SMC1B: variants seen among roughly 807,000 people sequenced by gnomAD.
SMC1B encodes the protein structural maintenance of chromosomes protein 1B.
SMC1B carries 60 observed loss-of-function variants against 157.9 expected under a neutral mutation model. That is an observed-to-expected ratio of 0.38 (90% CI 0.31 to 0.47). The LOEUF is 0.47. Among genes scored for constraint, SMC1B ranks in the 20% least tolerant of loss-of-function variants. SMC1B has a pLI of 0.99. For missense variants in SMC1B, 1,165 were observed against 1,426.2 expected, an observed-to-expected ratio of 0.82 and a Z score of 2.95; for synonymous variants, 445 against 483.0, an observed-to-expected ratio of 0.92 and a Z score of 1.03.
rs1341417525 is a variant in SMC1B, at chr22:45,379,135, C to G, written c.2058+4332G>C. ...TAGCTGGGACTGCAGGTGCGTGCCACCAAGCCCAGCTAATTTTTGTATTTT... is the reference window on the plus strand; with the variant it reads ...TAGCTGGGACTGCAGGTGCGTGCCAGCAAGCCCAGCTAATTTTTGTATTTT... On this transcript the variant is annotated intron_variant, in intron 12 of 24. Transcript: ENST00000357450. Among the ~76,000 whole-genome samples, 6 of 152,270 alleles carry G rather than the reference C, an allele frequency of 3.9e-5. No individual in the cohort carries two copies. The East Asian group carries it at 1.2e-3, about 29-fold the overall frequency.
intron 17 of SMC1B, 39 bp from the exon 18 acceptor site, chr22:45,359,997 T>A (rs1158896984): frequency 6.6e-7 from 1 of 1,524,282 alleles, no homozygotes; most frequent in Non-Finnish European, 9.1e-7. Flanking sequence ...TTTTACTCAT[T>A]ATGTAACACT....
chr22:45,346,631 C>T lies in SMC1B; in HGVS notation c.3496-1062G>A, dbSNP rs76584200. Among the ~76,000 whole-genome samples the T allele has an allele frequency of 9.3e-3, 1,420 of 152,306 alleles. 14 individuals are homozygous for T. Among genetic ancestry groups the T allele is most frequent in the Middle Eastern group, 0.02 (6 of 294 alleles). ...TTTACGTGAGAAAGGAAAGAAACTG[C>T]TCTAAGAGGCTGAATTCATAGAAGG... On this transcript the variant is annotated intron_variant, in intron 23 of 24. Coordinates refer to ENST00000357450, the MANE Select transcript of SMC1B (RefSeq NM_148674.5).
chr22:45,365,047 C>T (rs2086761865), intron 15 of SMC1B, among the ~76,000 whole-genome samples: 1 of 152,012 alleles, frequency 6.6e-6, no homozygotes, highest in South Asian at 2.1e-4. Context: ...CCGTGTTAGC[C>T]AGGATGGTCT....
rs2086833477 is a variant in SMC1B, at chr22:45,371,650, A to G, written c.2197-63T>C. ...TTTTAGCTTTATATAGTGAAGCCAA[A>G]AATGTGATAGGTATCTTTTGGAATA... On this transcript the variant is annotated intron_variant, in intron 13 of 24. Transcript: ENST00000357450. 2.0e-6 allele frequency: 3 copies of G among 1,516,472 alleles called. No individual in the cohort carries two copies. In the East Asian group the frequency reaches 7.2e-5, roughly 37 times the overall value. The allele number at this position is 1,516,472 out of a possible 1,614,324, so 93.9% of individuals were successfully genotyped here. A position where few individuals can be genotyped will look rare whatever the true frequency, so the allele number is the denominator to read the frequency against.
At chr22:45,381,174 T>G (rs1194095107) in intron 12 of SMC1B, among the ~76,000 whole-genome samples, 2 of 152,042 alleles carry the variant, frequency 1.3e-5, no homozygotes, top group African/African-American at 4.8e-5. Context: ...ATACTAAATT[T>G]CCTTAATGCT....
At chr22:45,404,362 A>T (rs1449392350) in intron 4 of SMC1B, among the ~76,000 whole-genome samples, 4 of 152,238 alleles carry the variant, frequency 2.6e-5, no homozygotes, top group African/African-American at 7.2e-5. Context: ...TTTCTTTGCC[A>T]TATCTTGAAA....
intron 10 of SMC1B, among the ~76,000 whole-genome samples, chr22:45,388,579 C>G (rs2087016440): frequency 1.3e-5 from 2 of 152,178 alleles, no homozygotes; most frequent in South Asian, 4.1e-4. Context: ...CTCCTCTGTG[C>G]AGGTCCTATG....
chr22:45,366,769 C>G (rs184443616), intron 15 of SMC1B, among the ~76,000 whole-genome samples: 3 of 152,328 alleles, frequency 2.0e-5, no homozygotes, highest in African/African-American at 4.8e-5. Flanking sequence ...CCGCTGCACT[C>G]AGCCACAGAT....
chr22:45,353,933 G>A, intron 21 of SMC1B, 45 bp downstream of exon 21: 2 of 435,434 alleles, frequency 4.6e-6, no homozygotes, highest in Non-Finnish European at 7.9e-6. Context: ...ACCACCACCG[G>A]TAACACAGAA....
intron 5 of SMC1B, 41 bp downstream of exon 5, chr22:45,402,292 A>T: frequency 7.6e-7 from 1 of 1,314,960 alleles, no homozygotes; most frequent in Non-Finnish European, 1.1e-6. Context: ...CTATCAAGCT[A>T]CATATAACCC....
chr22:45,355,181 C>T (rs891453999), intron 19 of SMC1B, 66 bp from the exon 20 acceptor site: 27 of 1,538,190 alleles, frequency 1.8e-5, no homozygotes, highest in East Asian at 2.3e-5. Context: ...AGGTAGGGTG[C>T]GTGTGTGGGG....
chr22:45,350,251 G>T (rs5765261), intron 22 of SMC1B, among the ~76,000 whole-genome samples: 1 of 145,018 alleles, frequency 6.9e-6, no homozygotes, highest in Non-Finnish European at 1.5e-5. Flanking sequence ...TGTCTCCTGA[G>T]TTCTTTTTTT....
chr22:45,392,867 C>G (rs573125249), intron 9 of SMC1B, among the ~76,000 whole-genome samples: 3 of 151,898 alleles, frequency 2.0e-5, no homozygotes, highest in Non-Finnish European at 4.4e-5. Context: ...TGTGCGGCTA[C>G]TTTTTGCATT....
intron 17 of SMC1B, among the ~76,000 whole-genome samples, chr22:45,360,201 G>A (rs1569413): frequency 0.86 from 130,359 of 152,190 alleles, 55,859 homozygotes; most frequent in Non-Finnish European, 0.87. Context: ...GATTTAATCA[G>A]GGTTACCAAA....
At chr22:45,374,745 A>G (rs551870802) in intron 12 of SMC1B, among the ~76,000 whole-genome samples, 1 of 152,320 alleles carries the variant, frequency 6.6e-6, no homozygotes, top group East Asian at 1.9e-4. Flanking sequence ...TATACACATA[A>G]GCCACTTTCA....
At chr22:45,380,298 G>A (rs781369222) in intron 12 of SMC1B, among the ~76,000 whole-genome samples, 6 of 152,132 alleles carry the variant, frequency 3.9e-5, no homozygotes, top group Non-Finnish European at 8.8e-5. Context: ...ACACCCAGAT[G>A]TGTGTTATTG....
In SMC1B at chr22:45,399,361, G is replaced by C; in HGVS notation, c.855-8C>G. 2 of 1,575,674 alleles carry C rather than the reference G, an allele frequency of 1.3e-6. No individual in the cohort carries two copies. Among genetic ancestry groups the C allele is most frequent in the Non-Finnish European group, 1.7e-6 (2 of 1,167,542 alleles). ...AAAAGGGTTTCAACCGATCTGAAAA[G>C]GGAAAAATGTTTGCTTTAAAGAAAA... On this transcript the variant is annotated splice_region_variant and splice_polypyrimidine_tract_variant and intron_variant, in intron 5 of 24. Coordinates refer to ENST00000357450, the MANE Select transcript of SMC1B (RefSeq NM_148674.5).
chr22:45,406,861 TC>T lies in SMC1B; in HGVS notation c.302del (p.Gly101AspfsTer12). 1 of 1,561,490 alleles carries T rather than the reference TC, an allele frequency of 6.4e-7. No individual in the cohort carries two copies. Among genetic ancestry groups the T allele is most frequent in the South Asian group, 1.2e-5 (1 of 80,708 alleles). On this transcript the variant is annotated frameshift_variant, in exon 3 of 25. Transcript: ENST00000357450. LOFTEE classifies it high-confidence loss of function. The stretch of plus-strand genomic sequence containing the variant: ...TATCATTAAAGCGAAATTCTGAGCA[TC>T]CCCCTAAAATAAAAAAATAAACCCT... ...EKTFARIIRG[G>X]CSEFRFNDNL...
rs1188667444 is a variant in SMC1B, at chr22:45,386,914, T to C, written c.1864A>G (p.Met622Val). 1.2e-6 allele frequency: 2 copies of C among 1,614,150 alleles called. No individual in the cohort carries two copies. Among genetic ancestry groups the C allele is most frequent in the Non-Finnish European group, 8.5e-7 (1 of 1,180,008 alleles). Reference sequence around the variant, plus strand: ...AGTGCAATATGCCTTGCTTCTTCCATAGTCTCACAAACAAGACCATTTCCA... The same window carrying C: ...AGTGCAATATGCCTTGCTTCTTCCACAGTCTCACAAACAAGACCATTTCCA... The part of the protein sequence containing the change: ...VCGNGLVCET[M>V]EEARHIALSG... The change falls in exon 11 of 25, where the codon ATG (methionine) becomes GTG (valine). Residue 622 changes from methionine to valine, a missense_variant. Transcript: ENST00000357450.
Sources: allele counts gnomAD v4.1 joint callset (sites outside exome capture counted in the v4.1 genomes callset), GRCh38; gene constraint gnomAD v4.1.1; transcripts MANE v1.5; gene names NCBI Gene and HGNC (gene_info 2026-07-23, HGNC 2026-07-21).